Variants in PHACTR1 observed in about 807,000 individuals in gnomAD.
PHACTR1 encodes RPEL repeat containing 1.
In PHACTR1, 16 loss-of-function variants were observed where a neutral mutation model predicts 69.2. That is an observed-to-expected ratio of 0.23 (90% confidence interval 0.16 to 0.35). The LOEUF (loss-of-function observed/expected upper bound fraction) is 0.35. Among genes scored for constraint, PHACTR1 ranks in the 10% least tolerant of loss-of-function variants. The probability of loss-of-function intolerance (pLI) is 1.00; values close to 1 mark genes in which losing one functional copy is unlikely to be tolerated. For missense variants in PHACTR1, 510 were observed against 734.7 expected (o/e 0.69, Z 3.54); for synonymous variants, 312 against 284.5 (o/e 1.10, Z -0.97).
rs1036766088 is a variant in PHACTR1 at position 12,887,671 on chromosome 6, T to A, written c.250+137881T>A. Among the ~76,000 whole-genome samples, 3 of 152,196 alleles carry A rather than the reference T, an allele frequency of 2.0e-5. No homozygotes were observed. The South Asian group carries it at 6.2e-4, about 32-fold the overall frequency. ...ACTATGTGCCAGGCATTACTCTAGG[T>A]GCTCAGGATACACAGATGGGTACAA... is the stretch of plus-strand genomic sequence containing the variant. On this transcript the variant is annotated intron_variant, in intron 4 of 14. Transcript: ENST00000332995.
At chr6:12,841,949 A>T (rs1374361102) in intron 4 of PHACTR1, among the ~76,000 whole-genome samples, 1 of 152,192 alleles carries the variant, frequency 6.6e-6, no homozygotes, top group Non-Finnish European at 1.5e-5. Context: ...AAGGCCCTTT[A>T]GAATCTTTTG....
intron 7 of PHACTR1, among the ~76,000 whole-genome samples, chr6:13,184,339 G>A (rs1214888959): frequency 6.6e-6 from 1 of 152,130 alleles, no homozygotes; most frequent in Admixed American, 6.5e-5. Context: ...ACTCCCTCTT[G>A]CCCCTCAGCA....
intron 4 of PHACTR1, among the ~76,000 whole-genome samples, chr6:12,952,178 C>A (rs1408204608): frequency 6.6e-6 from 1 of 152,202 alleles, no homozygotes; most frequent in Non-Finnish European, 1.5e-5. Context: ...CACAGCCTCC[C>A]TGTGGATAGC....
intron 6 of PHACTR1, among the ~76,000 whole-genome samples, chr6:13,162,567 T>A (rs1023740405): frequency 4.6e-5 from 7 of 152,196 alleles, no homozygotes; most frequent in African/African-American, 1.7e-4. Context: ...TAAATATTAT[T>A]GTTACAGCCA....
chr6:12,883,165 G>C (rs1404442160), intron 4 of PHACTR1, among the ~76,000 whole-genome samples: 1 of 152,150 alleles, frequency 6.6e-6, no homozygotes, highest in Non-Finnish European at 1.5e-5. Context: ...GGGAGAGCCA[G>C]CTGGATTGTA....
intron 7 of PHACTR1, among the ~76,000 whole-genome samples, chr6:13,194,681 G>A (rs1172393209): frequency 2.6e-5 from 4 of 152,136 alleles, no homozygotes; most frequent in Non-Finnish European, 4.4e-5. Flanking sequence ...AACATGATAA[G>A]TATGTAAGGT....
chr6:13,212,362 C>G (rs534022889), intron 8 of PHACTR1, among the ~76,000 whole-genome samples: 10 of 152,290 alleles, frequency 6.6e-5, no homozygotes, highest in East Asian at 3.9e-4. Flanking sequence ...GAAGCCCACA[C>G]CCACTCCAAG....
chr6:13,074,914 A>T (rs1318548840), intron 5 of PHACTR1, among the ~76,000 whole-genome samples: 1 of 152,228 alleles, frequency 6.6e-6, no homozygotes, highest in African/African-American at 2.4e-5. Context: ...GATCCTATTC[A>T]TTTGAAGGGA....
At chr6:12,874,922 G>A (rs1320278289) in intron 4 of PHACTR1, among the ~76,000 whole-genome samples, 1 of 152,116 alleles carries the variant, frequency 6.6e-6, no homozygotes, top group Non-Finnish European at 1.5e-5. Flanking sequence ...GTTATTTAGA[G>A]GATTAGAACT....
chr6:12,881,372 C>A (rs1783079646), intron 4 of PHACTR1, among the ~76,000 whole-genome samples: 1 of 152,102 alleles, frequency 6.6e-6, no homozygotes, highest in Non-Finnish European at 1.5e-5. Flanking sequence ...GCTGAACCTG[C>A]AGGGACAATG....
chr6:12,724,842 C>T (rs554942473), intron 3 of PHACTR1, among the ~76,000 whole-genome samples: 2 of 152,244 alleles, frequency 1.3e-5, no homozygotes, highest in African/African-American at 4.8e-5. Flanking sequence ...TCAATATACT[C>T]GGACATTCAA....
chr6:13,161,852 CA>C (rs150888035), intron 6 of PHACTR1, among the ~76,000 whole-genome samples: 2,006 of 152,270 alleles, frequency 0.013, 41 homozygotes, highest in East Asian at 0.11. Flanking sequence ...GCCCTGGTGG[CA>C]AGGCATAATG....
chr6:13,284,543 A>ATATATAT (rs1307782343), intron 13 of PHACTR1, among the ~76,000 whole-genome samples: 4 of 61,348 alleles, frequency 6.5e-5, no homozygotes, highest in African/African-American at 4.3e-4. Context: ...AAAAAAAAAA[A>ATATATAT]ATATATATAT....
At chr6:12,904,931 G>A (rs1487224659) in intron 4 of PHACTR1, among the ~76,000 whole-genome samples, 17 of 152,162 alleles carry the variant, frequency 1.1e-4, no homozygotes, top group Admixed American at 1.1e-3. Flanking sequence ...TGAGCACTCA[G>A]CAATAAGTGC....
chr6:13,195,757 C>CAAAAGAAAAAAAAAAAAAAA (rs1764283496), intron 7 of PHACTR1, among the ~76,000 whole-genome samples: 1 of 41,512 alleles, frequency 2.4e-5, no homozygotes, highest in Non-Finnish European at 5.4e-5. Flanking sequence ...GACACCGTCT[C>CAAAAGAAAAAAAAAAAAAAA]AAAAAAAAAA....
intron 5 of PHACTR1, among the ~76,000 whole-genome samples, chr6:13,100,643 A>G (rs1169703570): frequency 6.6e-6 from 1 of 152,206 alleles, no homozygotes; most frequent in African/African-American, 2.4e-5. Context: ...GTTGTGTTTT[A>G]GCATGATTAC....
intron 12 of PHACTR1, chr6:13,281,152 AG>A: frequency 7.8e-7 from 1 of 1,281,184 alleles, no homozygotes; most frequent in East Asian, 5.6e-5. Context: ...GGTTCACTCC[AG>A]ACTCTGCCAT....
chr6:13,273,592 T>TG (rs1169621731), intron 11 of PHACTR1: 2 of 145,854 alleles, frequency 1.4e-5, no homozygotes, highest in Non-Finnish European at 3.1e-5. Context: ...CACTTGGTGC[T>TG]TTAAAAAAAA....
At chr6:13,182,796 G>C in intron 7 of PHACTR1, 110 bp downstream of exon 7, 3 of 1,078,630 alleles carry the variant, frequency 2.8e-6, no homozygotes, top group Non-Finnish European at 3.8e-6. Flanking sequence ...TATCCTGAGC[G>C]TAAGGATCTG....
Sources: allele counts gnomAD v4.1 joint callset (sites outside exome capture counted in the v4.1 genomes callset), GRCh38; gene constraint gnomAD v4.1.1; transcripts MANE v1.5; gene names NCBI Gene and HGNC (gene_info 2026-07-23, HGNC 2026-07-21).